The following ANXA2 variants were observed in gnomAD, a reference collection of about 807,000 sequenced individuals.
ANXA2 encodes the protein annexin II.
In ANXA2, 28 loss-of-function variants were observed where a neutral mutation model predicts 47.3. The ratio of observed to expected loss-of-function variants is 0.59; its 90% confidence interval spans 0.44 to 0.81. The LOEUF is 0.81. ANXA2 is among the 40% of genes least tolerant of loss of function. The pLI, the probability that ANXA2 is intolerant of heterozygous loss-of-function variation, is 0.00. For missense variants in ANXA2, 384 were observed against 414.3 expected (o/e 0.93, Z 0.64); for synonymous variants, 172 against 155.5 (o/e 1.11, Z -0.79).
chr15:60,365,351 T>C (rs1335062436), intron 3 of ANXA2, among the ~76,000 whole-genome samples: 1 of 152,184 alleles, frequency 6.6e-6, no homozygotes, highest in Admixed American at 6.5e-5. Context: ...ACTCCTAACA[T>C]GCCATTTAAC....
chr15:60,397,725 G>C, intron 1 of ANXA2: 3 of 286,910 alleles, frequency 1.0e-5, no homozygotes, highest in Non-Finnish European at 1.0e-5. Context: ...CTCCCGGCCC[G>C]AGGGCCGGTG....
At chr15:60,350,510 A>C (rs1163304032) in intron 11 of ANXA2, among the ~76,000 whole-genome samples, 2 of 152,198 alleles carry the variant, frequency 1.3e-5, no homozygotes, top group Admixed American at 1.3e-4. Context: ...GTGCTATTTG[A>C]TATGGAACTC....
At chr15:60,372,668 T>C (rs1170245998) in intron 3 of ANXA2, among the ~76,000 whole-genome samples, 2 of 151,998 alleles carry the variant, frequency 1.3e-5, no homozygotes, top group South Asian at 2.1e-4. Context: ...ATTAATGGTC[T>C]TGTATTCAGC....
At chr15:60,349,738 G>A (rs1895902297) in intron 11 of ANXA2, among the ~76,000 whole-genome samples, 1 of 145,076 alleles carries the variant, frequency 6.9e-6, no homozygotes, top group Non-Finnish European at 1.5e-5. Flanking sequence ...CAGAGAGAGA[G>A]AGAGAAAGAA....
At chr15:60,370,289 C>T (rs570897295) in intron 3 of ANXA2, among the ~76,000 whole-genome samples, 7 of 152,294 alleles carry the variant, frequency 4.6e-5, no homozygotes, top group Non-Finnish European at 7.3e-5. Flanking sequence ...CCCCTCCTAC[C>T]GCCCTGCCCA....
rs1226838168 is a variant in ANXA2 at position 60,382,329 on chromosome 15, A to G, written c.148+13T>C. ...TAAGACCCTGACAAGAAGAGGACAA[A>G]TGTATCACCTACCTTTGGTCTTGAT... On this transcript the variant is annotated intron_variant, in intron 3 of 12. Transcript: ENST00000451270. 1.2e-6 allele frequency: 2 copies of G among 1,603,954 alleles called. No individual in the cohort carries two copies. Among genetic ancestry groups the G allele is most frequent in the South Asian group, 2.2e-5 (2 of 90,886 alleles).
chr15:60,381,805 T>C (rs926532033), intron 3 of ANXA2, among the ~76,000 whole-genome samples: 47 of 152,192 alleles, frequency 3.1e-4, no homozygotes, highest in Admixed American at 3.9e-4. Flanking sequence ...TAAAGGGGAC[T>C]TGGAACAAAA....
At chr15:60,373,538 C>T (rs1486234654) in intron 3 of ANXA2, among the ~76,000 whole-genome samples, 1 of 152,210 alleles carries the variant, frequency 6.6e-6, no homozygotes, top group Non-Finnish European at 1.5e-5. Context: ...TCATCCAGCA[C>T]AAGCGAGCAC....
chr15:60,348,151 T>C (rs906064517), intron 12 of ANXA2, among the ~76,000 whole-genome samples: 2 of 152,198 alleles, frequency 1.3e-5, no homozygotes, highest in Non-Finnish European at 2.9e-5. Context: ...GTCTAACTGG[T>C]CCTTTGACTT....
At chr15:60,362,260 T>A (rs753508473) in intron 4 of ANXA2, among the ~76,000 whole-genome samples, 1 of 152,184 alleles carries the variant, frequency 6.6e-6, no homozygotes, top group Non-Finnish European at 1.5e-5. Context: ...GACACTCCCC[T>A]CTACCCATTC....
At chr15:60,390,806 G>A (rs1050841529) in intron 1 of ANXA2, 4 of 156,628 alleles carry the variant, frequency 2.6e-5, no homozygotes, top group South Asian at 1.9e-4. Context: ...CCCTAGCAAT[G>A]CAAAGTCATT....
At chr15:60,380,853 A>T (rs1302118042) in intron 3 of ANXA2, among the ~76,000 whole-genome samples, 2 of 147,012 alleles carry the variant, frequency 1.4e-5, no homozygotes, top group Admixed American at 1.4e-4. Context: ...TCTAATTTGG[A>T]TGCTTCATTA....
At chr15:60,361,435 A>G (rs989244523) in intron 4 of ANXA2, 10 of 187,954 alleles carry the variant, frequency 5.3e-5, no homozygotes, top group Non-Finnish European at 8.9e-5. Context: ...TAAGAAGGAG[A>G]TGTTTGAGCA....
Position 60,387,934 on chromosome 15 carries a change from A to G in ANXA2, c.-11-1848T>C, listed in dbSNP as rs570981121. On this transcript the variant is annotated intron_variant, in intron 1 of 12. Transcript: ENST00000451270. ...GCCGGGTGCGGTGGCTCACACCTGTAATCCCAGCACTGTGGGAGGCCGAGG... is the reference window on the plus strand; with the variant it reads ...GCCGGGTGCGGTGGCTCACACCTGTGATCCCAGCACTGTGGGAGGCCGAGG... Among the ~76,000 whole-genome samples the G allele has an allele frequency of 3.9e-5, 6 of 152,316 alleles. No individual in the cohort carries two copies. The East Asian group carries it at 1.2e-3, about 29-fold the overall frequency.
intron 2 of ANXA2, among the ~76,000 whole-genome samples, chr15:60,385,402 C>A (rs1226494171): frequency 6.6e-6 from 1 of 152,078 alleles, no homozygotes; most frequent in African/African-American, 2.4e-5. Flanking sequence ...CCAGTCTCAA[C>A]TAAAAATACA....
intron 11 of ANXA2, 65 bp from the exon 12 acceptor site, chr15:60,349,262 G>A: frequency 7.0e-6 from 11 of 1,573,078 alleles, no homozygotes; most frequent in Non-Finnish European, 9.6e-6. Flanking sequence ...AGCGTCTACA[G>A]GTTGAGCATC....
chr15:60,347,512 G>T lies in ANXA2; in HGVS notation c.*118C>A. 2 of 936,218 alleles carry T rather than the reference G, an allele frequency of 2.1e-6. No individual in the cohort carries two copies. Among genetic ancestry groups the T allele is most frequent in the Non-Finnish European group, 3.4e-6 (2 of 591,644 alleles). The allele number at this position is 936,218 out of a possible 1,614,324, so 58.0% of individuals were successfully genotyped here. On this transcript the variant is annotated 3_prime_UTR_variant, in exon 13 of 13. Coordinates refer to ENST00000451270, the MANE Select transcript of ANXA2 (RefSeq NM_004039.3). ...CAACTAAAATGAGGTTGGGGGTAAT[G>T]CTAACGTCACCCTCACAGGGATGGC... is the stretch of plus-strand genomic sequence containing the variant.
At position 60,347,620 on chromosome 15, in the gene ANXA2, G is replaced by T; in HGVS notation, c.*10C>A. 6.2e-7 allele frequency: 1 copy of T among 1,613,970 alleles called. No individual in the cohort carries two copies. ...AGCACCATTTCTGGACGCTCAGGCC[G>T]TGTCGGGCTTCAGTCATCTCCACCA... On this transcript the variant is annotated 3_prime_UTR_variant, in exon 13 of 13. Coordinates refer to ENST00000451270, the MANE Select transcript of ANXA2 (RefSeq NM_004039.3).
rs560034370 is a variant in ANXA2, at chr15:60,376,176, A to G, written c.148+6166T>C. ...GCGGATCACCTGAGGTCAGGAGCTC[A>G]AGACCAGCCTGACCAACATGGAGAA... is the stretch of plus-strand genomic sequence containing the variant. On this transcript the variant is annotated intron_variant, in intron 3 of 12. Coordinates refer to ENST00000451270, the MANE Select transcript of ANXA2 (RefSeq NM_004039.3). 4.6e-4 allele frequency among the ~76,000 whole-genome samples: 70 copies of G among 152,244 alleles called. No homozygotes were observed. In the Middle Eastern group the frequency reaches 0.01, roughly 22 times the overall value.
Sources: gnomAD v4.1 joint callset for allele counts (sites outside exome capture counted in the v4.1 genomes callset) on GRCh38, gnomAD v4.1.1 for gene constraint, MANE v1.5 for transcripts, NCBI Gene and HGNC (gene_info 2026-07-23, HGNC 2026-07-21) for gene names.